The following TMEM108 variants were observed in gnomAD, a reference collection of about 807,000 sequenced individuals.
TMEM108 encodes transmembrane protein 108.
In TMEM108, 12 loss-of-function variants were observed where a neutral mutation model predicts 35.1. The observed-to-expected ratio is 0.34, with a 90% confidence interval of 0.22 to 0.55. The LOEUF (loss-of-function observed/expected upper bound fraction) is 0.55, where lower values mean the gene tolerates loss of function less well. Ranked by LOEUF, TMEM108 falls within the 20% of genes least tolerant of loss-of-function variation. The probability of loss-of-function intolerance (pLI) is 0.89; values close to 1 mark genes in which losing one functional copy is unlikely to be tolerated. For missense variants in TMEM108, 680 were observed against 753.3 expected, an observed-to-expected ratio of 0.90 and a Z score of 1.14; for synonymous variants, 287 against 308.6, an observed-to-expected ratio of 0.93 and a Z score of 0.73.
At chr3:133,047,559 C>G (rs1230490779) in intron 2 of TMEM108, among the ~76,000 whole-genome samples, 1 of 151,796 alleles carries the variant, frequency 6.6e-6, no homozygotes, top group East Asian at 1.9e-4. Context: ...GTGTCCTGTG[C>G]ATTGTAGGAT....
At chr3:133,103,629 G>A (rs1944115235) in intron 2 of TMEM108, among the ~76,000 whole-genome samples, 2 of 152,166 alleles carry the variant, frequency 1.3e-5, no homozygotes, top group Admixed American at 6.5e-5. Flanking sequence ...ACTATAGTGA[G>A]CATAGTTGTT....
At chr3:133,065,157 G>T (rs1292022212) in intron 2 of TMEM108, among the ~76,000 whole-genome samples, 1 of 152,158 alleles carries the variant, frequency 6.6e-6, no homozygotes, top group Non-Finnish European at 1.5e-5. Context: ...TATTCAATGT[G>T]TATTTGTTGG....
At chr3:133,394,844 T>C (rs1477900548) in intron 5 of TMEM108, among the ~76,000 whole-genome samples, 1 of 152,248 alleles carries the variant, frequency 6.6e-6, no homozygotes, top group Non-Finnish European at 1.5e-5. Flanking sequence ...AGAAAGTATC[T>C]GTTATGTATG....
At chr3:133,060,880 G>T (rs372913506) in intron 2 of TMEM108, among the ~76,000 whole-genome samples, 2 of 152,268 alleles carry the variant, frequency 1.3e-5, no homozygotes, top group East Asian at 1.9e-4. Context: ...ATACCTATTA[G>T]TGGGAGACTT....
intron 3 of TMEM108, among the ~76,000 whole-genome samples, chr3:133,320,704 C>G (rs77380478): frequency 6.6e-6 from 1 of 152,134 alleles, no homozygotes; most frequent in Non-Finnish European, 1.5e-5. Flanking sequence ...GGTCATCACC[C>G]AGGTGCGTAA....
At chr3:133,267,063 A>G (rs1279269399) in intron 3 of TMEM108, among the ~76,000 whole-genome samples, 2 of 147,822 alleles carry the variant, frequency 1.4e-5, no homozygotes, top group African/African-American at 2.5e-5. Context: ...CCTGGGCAAC[A>G]GAGCAAGACT....
chr3:133,275,788 G>A (rs540221282), intron 3 of TMEM108, among the ~76,000 whole-genome samples: 6 of 152,092 alleles, frequency 3.9e-5, no homozygotes, highest in Non-Finnish European at 7.3e-5. Context: ...TATAGGTTGG[G>A]TATTGCTGCC....
At chr3:133,199,929 A>G (rs534875107) in intron 2 of TMEM108, among the ~76,000 whole-genome samples, 30 of 152,102 alleles carry the variant, frequency 2.0e-4, no homozygotes, top group African/African-American at 5.1e-4. Context: ...TTCGAGCTTC[A>G]TGGCTGCTTT....
At chr3:133,191,157 G>A (rs1393742153) in intron 2 of TMEM108, among the ~76,000 whole-genome samples, 1 of 152,126 alleles carries the variant, frequency 6.6e-6, no homozygotes, top group Non-Finnish European at 1.5e-5. Flanking sequence ...CAAGGATTGG[G>A]GTGGGAGGAT....
At chr3:133,227,579 A>G (rs763152420) in intron 2 of TMEM108, among the ~76,000 whole-genome samples, 7 of 151,912 alleles carry the variant, frequency 4.6e-5, no homozygotes, top group Non-Finnish European at 7.4e-5. Context: ...CTAGAATGTT[A>G]TATAACATTG....
chr3:133,291,858 C>T (rs1947073982), intron 3 of TMEM108, among the ~76,000 whole-genome samples: 1 of 152,070 alleles, frequency 6.6e-6, no homozygotes, highest in Admixed American at 6.5e-5. Context: ...AAAGTACAGA[C>T]ATACACGATC....
At chr3:133,339,127 G>A (rs537868964) in intron 3 of TMEM108, among the ~76,000 whole-genome samples, 5 of 151,766 alleles carry the variant, frequency 3.3e-5, no homozygotes, top group African/African-American at 1.2e-4. Flanking sequence ...AACATTGAAT[G>A]TAAATGGACT....
chr3:133,151,610 A>T lies in TMEM108; in HGVS notation c.-46-77656A>T, dbSNP rs139942680. Among the ~76,000 whole-genome samples, 681 of 152,256 alleles carry T rather than the reference A, an allele frequency of 4.5e-3. 12 individuals are homozygous for T. The highest frequency in any genetic ancestry group is 6.9e-3 in the Non-Finnish European group (467 of 68,012). On this transcript the variant is annotated intron_variant, in intron 2 of 5. Transcript: ENST00000321871. ...GGAAAATCATTGACATTAAACTAGG[A>T]TTTTAATGCTAGAAATAAATAATAG...
At chr3:133,133,075 T>A (rs901299417) in intron 2 of TMEM108, among the ~76,000 whole-genome samples, 2 of 152,236 alleles carry the variant, frequency 1.3e-5, no homozygotes, top group African/African-American at 4.8e-5. Flanking sequence ...TTTCTTGAGA[T>A]GGAGTCCACC....
chr3:133,225,068 G>A (rs1209991182), intron 2 of TMEM108, among the ~76,000 whole-genome samples: 3 of 134,756 alleles, frequency 2.2e-5, no homozygotes, highest in Non-Finnish European at 3.2e-5. Flanking sequence ...TTTTTGAGTT[G>A]GAGTCCTGCT....
In TMEM108 at chr3:133,380,965, C is replaced by T. The variant is rs2072995520; in HGVS notation, c.1254C>T (p.Leu418=). ...TGACCGACCGGGTGCCCAGTCCTCT[C>T]TCCACAGTGGTATCCACAGCCACAG... is the stretch of plus-strand genomic sequence containing the variant. ...LTMTDRVPSP[L]STVVSTATGN... The change falls in exon 4 of 6, where the codon CTC becomes CTT. Residue 418 remains leucine, a synonymous_variant. Coordinates refer to ENST00000321871, the MANE Select transcript of TMEM108 (RefSeq NM_023943.4). This position sits in a 1 kb window ranked among gnomAD's most constrained non-coding sequence, Gnocchi z 5.3. The T allele has an allele frequency of 6.2e-7, 1 of 1,614,216 alleles. No individual in the cohort carries two copies. The highest frequency in any genetic ancestry group is 8.5e-7 in the Non-Finnish European group (1 of 1,180,038).
intron 2 of TMEM108, among the ~76,000 whole-genome samples, chr3:133,137,154 A>G (rs946579778): frequency 1.3e-5 from 2 of 150,986 alleles, no homozygotes; most frequent in African/African-American, 2.5e-5. Flanking sequence ...AAGTGGTGAC[A>G]TATGTGAACG....
intron 3 of TMEM108, among the ~76,000 whole-genome samples, chr3:133,336,826 G>T (rs1410714134): frequency 1.3e-5 from 2 of 152,062 alleles, no homozygotes; most frequent in African/African-American, 4.8e-5. Flanking sequence ...CTGCCCTGAA[G>T]GGTGAGTCCC....
chr3:133,309,702 TTTTTTTTTTTTTTTTTG>T, intron 3 of TMEM108, among the ~76,000 whole-genome samples: 1 of 91,182 alleles, frequency 1.1e-5, no homozygotes, highest in Admixed American at 1.4e-4. Context: ...TTTTTTTTTT[TTTTTTTTTTTTTTTTTG>T]AGACGGAGTC....
Sources: gnomAD v4.1 joint callset for allele counts (sites outside exome capture counted in the v4.1 genomes callset) on GRCh38, gnomAD v4.1.1 for gene constraint, Gnocchi (gnomAD v3.1) non-coding constraint, MANE v1.5 for transcripts, NCBI Gene and HGNC (gene_info 2026-07-23, HGNC 2026-07-21) for gene names.